CCDC144A: variants seen among roughly 807,000 people sequenced by gnomAD.
CCDC144A encodes coiled-coil domain containing 144A, also known as coiled-coil domain-containing protein 144A.
Under a neutral mutation model 143.8 loss-of-function variants are expected in CCDC144A, and 41 were observed. That is an observed-to-expected ratio of 0.29 (90% CI 0.22 to 0.37). The LOEUF is 0.37. CCDC144A is among the 10% of genes least tolerant of loss of function. The pLI is 1.00. For missense variants in CCDC144A, 637 were observed against 1,488.8 expected (o/e 0.43, Z 9.41); for synonymous variants, 242 against 517.9 (o/e 0.47, Z 7.23).
chr17:16,675,598 G>A, the CCDC144A span, among the ~76,000 whole-genome samples: 3 of 151,554 alleles, frequency 2.0e-5, no homozygotes, highest in African/African-American at 7.3e-5. Context: ...AAGTCTAAAT[G>A]TATACTCAAA....
chr17:16,736,573 C>T (rs1221461020), intron 12 of CCDC144A, among the ~76,000 whole-genome samples: 3 of 151,696 alleles, frequency 2.0e-5, no homozygotes, highest in Admixed American at 6.6e-5. Flanking sequence ...GCCTATCATT[C>T]GGATATAACT....
At chr17:16,761,368 T>C (rs1049819151) in intron 12 of CCDC144A, 57 bp from the exon 13 acceptor site, 1 of 1,536,630 alleles carries the variant, frequency 6.5e-7, no homozygotes, top group African/African-American at 1.4e-5. Context: ...AGTTTTTTGT[T>C]AGACCATTCT....
At chr17:16,767,736 G>A (rs1915666534) in intron 15 of CCDC144A, among the ~76,000 whole-genome samples, 3 of 152,198 alleles carry the variant, frequency 2.0e-5, no homozygotes, top group African/African-American at 7.2e-5. Context: ...CAAGAAAAAT[G>A]GTTATAATTT....
chr17:16,698,892 G>A (rs1272759499), intron 2 of CCDC144A, among the ~76,000 whole-genome samples: 2 of 152,206 alleles, frequency 1.3e-5, no homozygotes, highest in Non-Finnish European at 2.9e-5. Context: ...AAAATATAAA[G>A]CGAAATGCTG....
At chr17:16,672,024 T>C in the CCDC144A span, among the ~76,000 whole-genome samples, 1 of 152,068 alleles carries the variant, frequency 6.6e-6, no homozygotes. Flanking sequence ...CCTAGATTTA[T>C]AGCTAATTTT....
upstream of CCDC144A, among the ~76,000 whole-genome samples, chr17:16,686,386 A>G (rs1341365400): frequency 6.6e-6 from 1 of 152,110 alleles, no homozygotes; most frequent in African/African-American, 2.4e-5. Context: ...GGTTAAAAAG[A>G]AGGAAAGAAA....
intron 6 of CCDC144A, among the ~76,000 whole-genome samples, chr17:16,713,147 A>C (rs2543833): frequency 1.3e-4 from 20 of 152,056 alleles, no homozygotes; most frequent in African/African-American, 4.1e-4. Flanking sequence ...TTGGACAGCT[A>C]TTTTTGTAAA....
chr17:16,754,027 A>G (rs1293258088), intron 12 of CCDC144A, among the ~76,000 whole-genome samples: 1 of 152,202 alleles, frequency 6.6e-6, no homozygotes, highest in Non-Finnish European at 1.5e-5. Context: ...TGGTCTGTCC[A>G]GGTTTCCTTT....
At chr17:16,681,087 T>G in the CCDC144A span, among the ~76,000 whole-genome samples, 1 of 151,962 alleles carries the variant, frequency 6.6e-6, no homozygotes, top group Non-Finnish European at 1.5e-5. Flanking sequence ...TTTTTAAAAA[T>G]GAGATGAATA....
At chr17:16,700,228 T>C (rs1228583877) in intron 2 of CCDC144A, among the ~76,000 whole-genome samples, 1 of 152,230 alleles carries the variant, frequency 6.6e-6, no homozygotes, top group Non-Finnish European at 1.5e-5. Context: ...AGGAGTCATC[T>C]CCTGTGTAGC....
At chr17:16,773,339 A>G (rs1915895230) in intron 16 of CCDC144A, among the ~76,000 whole-genome samples, 158 bp from the exon 17 acceptor site, 1 of 152,120 alleles carries the variant, frequency 6.6e-6, no homozygotes, top group African/African-American at 2.4e-5. Flanking sequence ...AGTTCCAAGT[A>G]CTTGGGGCTG....
At chr17:16,755,239 A>G (rs976031024) in intron 12 of CCDC144A, among the ~76,000 whole-genome samples, 4 of 152,144 alleles carry the variant, frequency 2.6e-5, no homozygotes, top group Non-Finnish European at 4.4e-5. Context: ...CAAAGTTTTT[A>G]TGAGAGGTGA....
chr17:16,726,539 C>T (rs1265737317), intron 8 of CCDC144A, among the ~76,000 whole-genome samples: 3 of 151,874 alleles, frequency 2.0e-5, no homozygotes, highest in Non-Finnish European at 4.4e-5. Context: ...GCTCCTGAGG[C>T]AAGATCTTTG....
chr17:16,703,434 T>C (rs1911842911), intron 2 of CCDC144A, among the ~76,000 whole-genome samples: 1 of 152,112 alleles, frequency 6.6e-6, no homozygotes, highest in African/African-American at 2.4e-5. Context: ...TTATTGCAAA[T>C]TCCAAAGAGC....
At chr17:16,751,579 T>C (rs1015619530) in intron 12 of CCDC144A, among the ~76,000 whole-genome samples, 1 of 152,190 alleles carries the variant, frequency 6.6e-6, no homozygotes, top group Non-Finnish European at 1.5e-5. Context: ...GTGCCACACC[T>C]GAATTTTGAG....
intron 12 of CCDC144A, among the ~76,000 whole-genome samples, chr17:16,761,108 A>G: frequency 6.6e-6 from 1 of 151,502 alleles, no homozygotes; most frequent in African/African-American, 2.4e-5. Flanking sequence ...CGAGTGGATC[A>G]TGAGGTCAGG....
At chr17:16,740,260 G>A (rs1348620857) in intron 12 of CCDC144A, among the ~76,000 whole-genome samples, 2 of 152,104 alleles carry the variant, frequency 1.3e-5, no homozygotes, top group Non-Finnish European at 2.9e-5. Flanking sequence ...TGGTTCTCTT[G>A]TACACTCCCG....
chr17:16,749,988 A>T (rs1052405057), intron 12 of CCDC144A, among the ~76,000 whole-genome samples: 1 of 152,126 alleles, frequency 6.6e-6, no homozygotes, highest in Non-Finnish European at 1.5e-5. Flanking sequence ...TACATGTGAG[A>T]TGTGTCTTTT....
At chr17:16,769,648 G>A (rs1441377877) in intron 15 of CCDC144A, among the ~76,000 whole-genome samples, 3 of 152,102 alleles carry the variant, frequency 2.0e-5, no homozygotes, top group Admixed American at 6.5e-5. Flanking sequence ...TCTGTTCTGC[G>A]GTTTGAAAAA....
Sources: gnomAD v4.1 joint callset for allele counts (sites outside exome capture counted in the v4.1 genomes callset) on GRCh38, gnomAD v4.1.1 for gene constraint, MANE v1.5 for transcripts, NCBI Gene and HGNC (gene_info 2026-07-23, HGNC 2026-07-21) for gene names.